Variants in CNTRL observed in about 807,000 individuals in gnomAD.
CNTRL encodes centriolin, also known as 110 kDa centrosomal protein.
CNTRL carries 233 observed loss-of-function variants against 303.7 expected under a neutral mutation model. That is an observed-to-expected ratio of 0.77 (90% confidence interval 0.69 to 0.86). The LOEUF (loss-of-function observed/expected upper bound fraction) is 0.86. Ranked by LOEUF, CNTRL falls within the 40% of genes least tolerant of loss-of-function variation. CNTRL has a pLI of 0.00. For missense variants in CNTRL, 2,524 were observed against 2,650.6 expected, an observed-to-expected ratio of 0.95 and a Z score of 1.05; for synonymous variants, 900 against 922.2, an observed-to-expected ratio of 0.98 and a Z score of 0.44.
chr9:121,109,019 C>T (rs1407286680), intron 8 of CNTRL, among the ~76,000 whole-genome samples: 1 of 152,080 alleles, frequency 6.6e-6, no homozygotes, highest in Non-Finnish European at 1.5e-5. Flanking sequence ...TTACTGTATA[C>T]AGTTATTCCT....
chr9:121,175,112 T>C lies in CNTRL; in HGVS notation c.6842T>C (p.Val2281Ala). Residue 2281 changes from valine to alanine, a missense_variant, in exon 43 of 44, where the codon GTA becomes GCA. Coordinates refer to ENST00000373855, the MANE Select transcript of CNTRL (RefSeq NM_007018.6). ...EGTLHSLRRQ[V>A]DALGELVTST... ...ACTTTACACAGTTTGAGGAGACAAG[T>C]AGATGCTTTAGGGGAATTGGTCACC... 3 of 1,614,102 alleles carry C rather than the reference T, an allele frequency of 1.9e-6. No homozygotes were observed. The highest frequency in any genetic ancestry group is 2.2e-5 in the East Asian group (1 of 44,864).
intron 7 of CNTRL, among the ~76,000 whole-genome samples, chr9:121,104,334 T>C (rs543760131): frequency 4.6e-5 from 7 of 152,182 alleles, no homozygotes; most frequent in African/African-American, 1.7e-4. Context: ...ATGAGAACAC[T>C]TGGACACAGG....
At chr9:121,170,043 T>C (rs1588335744) in intron 39 of CNTRL, among the ~76,000 whole-genome samples, 1 of 152,114 alleles carries the variant, frequency 6.6e-6, no homozygotes, top group South Asian at 2.1e-4. Flanking sequence ...AGACTGTTGG[T>C]GTGAACAGCC....
At chr9:121,156,551 A>G (rs1300510604) in intron 27 of CNTRL, among the ~76,000 whole-genome samples, 3 of 152,238 alleles carry the variant, frequency 2.0e-5, no homozygotes, top group African/African-American at 7.2e-5. Context: ...GAGCTTGCCA[A>G]CCCTTTTGCA....
chr9:121,163,042 T>C (rs1327856003), intron 34 of CNTRL, among the ~76,000 whole-genome samples: 2 of 151,820 alleles, frequency 1.3e-5, no homozygotes, highest in Admixed American at 6.6e-5. Context: ...AATATATAAA[T>C]ATGAATTTAA....
chr9:121,150,411 A>G lies in CNTRL; in HGVS notation c.3891A>G (p.Pro1297=). The G allele has an allele frequency of 6.2e-7, 1 of 1,613,674 alleles. No homozygotes were observed. The highest frequency in any genetic ancestry group is 8.5e-7 in the Non-Finnish European group (1 of 1,179,948). The change falls in exon 25 of 44, where the codon CCA becomes CCG. Residue 1297 remains proline, a synonymous_variant. Coordinates refer to ENST00000373855, the MANE Select transcript of CNTRL (RefSeq NM_007018.6). ...GGGCCCCCATGGTGTATGGGCCTCCACCCCCCAACTTCTCCATCCCCTTCA... is the reference window on the plus strand; with the variant it reads ...GGGCCCCCATGGTGTATGGGCCTCCGCCCCCCAACTTCTCCATCCCCTTCA... ...PAGAPMVYGP[P]PPNFSIPFIP...
chr9:121,176,931 G>T (rs963787197), intron 43 of CNTRL, among the ~76,000 whole-genome samples: 1 of 91,496 alleles, frequency 1.1e-5, no homozygotes, highest in Non-Finnish European at 2.8e-5. Context: ...AGATGTTACA[G>T]ATTTTTTTTT....
chr9:121,103,680 AAAG>A, intron 7 of CNTRL, among the ~76,000 whole-genome samples: 1 of 152,366 alleles, frequency 6.6e-6, no homozygotes, highest in East Asian at 1.9e-4. Context: ...CAGAATCTAC[AAAG>A]AACTTAAATT....
At chr9:121,089,895 A>T (rs1201052776) in intron 3 of CNTRL, among the ~76,000 whole-genome samples, 1 of 152,148 alleles carries the variant, frequency 6.6e-6, no homozygotes, top group Non-Finnish European at 1.5e-5. Flanking sequence ...ATTAAATTTT[A>T]AAAATGTAAA....
chr9:121,147,607 G>A (rs2051955621), intron 23 of CNTRL, among the ~76,000 whole-genome samples: 1 of 152,144 alleles, frequency 6.6e-6, no homozygotes, highest in Non-Finnish European at 1.5e-5. Flanking sequence ...TGTGGGAAGT[G>A]AGGAGAAGAC....
intron 31 of CNTRL, 28 bp downstream of exon 31, chr9:121,159,047 G>A: frequency 6.2e-7 from 1 of 1,605,300 alleles, no homozygotes; most frequent in Non-Finnish European, 8.5e-7. Context: ...GTTTTCTGAA[G>A]AGTCGTAGGA....
Position 121,108,381 on chromosome 9 carries a change from C to G in CNTRL, c.1002+386C>G, listed in dbSNP as rs574943068. On this transcript the variant is annotated intron_variant, in intron 8 of 43. Transcript: ENST00000373855. ...AATATAATATCTTTATGCTGATTCC[C>G]TGGTGCACGTTACTCAGCCCATTGA... Among the ~76,000 whole-genome samples the G allele has an allele frequency of 2.5e-4, 38 of 152,068 alleles. 1 individual carries two copies. The highest frequency in any genetic ancestry group is 2.9e-4 in the Non-Finnish European group (20 of 68,014).
rs965654853 is a variant in CNTRL, at chr9:121,088,227, G to A, written c.-31-69G>A. The A allele has an allele frequency of 5.3e-6, 4 of 754,552 alleles. No homozygotes were observed. The Admixed American group carries it at 7.7e-5, about 15-fold the overall frequency. 46.7% of individuals were successfully genotyped at this position (754,552 alleles called of 1,614,324 possible). On this transcript the variant is annotated intron_variant, in intron 2 of 43. Coordinates refer to ENST00000373855, the MANE Select transcript of CNTRL (RefSeq NM_007018.6). ...AGTTTATAACTTTATAGACCTGAAGGTTCTAGAAAGAATAGTTTTGATAAC... is the reference window on the plus strand; with the variant it reads ...AGTTTATAACTTTATAGACCTGAAGATTCTAGAAAGAATAGTTTTGATAAC...
chr9:121,160,426 G>A (rs534427079), intron 32 of CNTRL, 124 bp downstream of exon 32: 6 of 597,814 alleles, frequency 1.0e-5, no homozygotes, highest in Non-Finnish European at 1.6e-5. Context: ...AATAAGCAAA[G>A]CAAGCAGGTT....
chr9:121,116,218 G>A (rs1177959244), intron 11 of CNTRL, among the ~76,000 whole-genome samples: 3 of 152,176 alleles, frequency 2.0e-5, no homozygotes, highest in Non-Finnish European at 2.9e-5. Flanking sequence ...GAAGGAGCCA[G>A]TGAGGCAGAG....
chr9:121,123,476 G>C (rs756068535), intron 12 of CNTRL, among the ~76,000 whole-genome samples: 3 of 152,154 alleles, frequency 2.0e-5, no homozygotes, highest in Non-Finnish European at 4.4e-5. Context: ...GCCCGCACCT[G>C]TAGTCCCAGG....
Position 121,165,016 on chromosome 9 carries a change from A to AT in CNTRL, c.5497_5498insT (p.Lys1833IlefsTer18). The AT allele has an allele frequency of 6.2e-7, 1 of 1,611,586 alleles. No individual in the cohort carries two copies. Among genetic ancestry groups the AT allele is most frequent in the South Asian group, 1.1e-5 (1 of 90,474 alleles). Reference sequence around the variant, plus strand: ...AGAAAAGTTGGAATTGAATGTCAGAAAACTGCAGCAGGAACTAGACCAACT... The same window carrying AT: ...AGAAAAGTTGGAATTGAATGTCAGAATAACTGCAGCAGGAACTAGACCAACT... On this transcript the variant is annotated frameshift_variant, in exon 35 of 44. Transcript: ENST00000373855. LOFTEE classifies it high-confidence loss of function.
At position 121,166,168 on chromosome 9, in the gene CNTRL, C is replaced by T. The variant is rs749799567; in HGVS notation, c.5643C>T (p.Asn1881=). Residue 1881 remains asparagine, a synonymous_variant, in exon 36 of 44, where the codon AAC becomes AAT. Coordinates refer to ENST00000373855, the MANE Select transcript of CNTRL (RefSeq NM_007018.6). ...TAGCTAATGTCCAAGACCATTTGAA[C>T]CTAGCAAAACAGGTAAGGTTAACAA... The part of the protein sequence containing the change: ...EELANVQDHL[N]LAKQDLLHTT... 6.2e-7 allele frequency: 1 copy of T among 1,610,730 alleles called. No homozygotes were observed. Among genetic ancestry groups the T allele is most frequent in the Non-Finnish European group, 8.5e-7 (1 of 1,178,220 alleles).
In CNTRL at chr9:121,125,727, G is replaced by A; in HGVS notation, c.1816G>A (p.Ala606Thr). 1 of 1,614,076 alleles carries A rather than the reference G, an allele frequency of 6.2e-7. No homozygotes were observed. Among genetic ancestry groups the A allele is most frequent in the African/African-American group, 1.3e-5 (1 of 75,058 alleles). Residue 606 changes from alanine (A) to threonine (T), a missense_variant, in exon 14 of 44, where the codon GCA (alanine) becomes ACA (threonine). Ala to Thr is a moderately conservative substitution (Grantham distance 58). Transcript: ENST00000373855. ...EEQLTEGQIAANEALKKDLEG... is the reference protein window; with the variant it reads ...EEQLTEGQIATNEALKKDLEG... ...TGCATCTTGCTTAGGCCAGATAGCA[G>A]CAAATGAAGCCCTGAAGAAGGATTT...
Sources: gnomAD v4.1 joint callset for allele counts (sites outside exome capture counted in the v4.1 genomes callset) on GRCh38, gnomAD v4.1.1 for gene constraint, MANE v1.5 for transcripts, NCBI Gene and HGNC (gene_info 2026-07-23, HGNC 2026-07-21) for gene names.